Variants in XPNPEP1 observed in about 807,000 individuals in gnomAD.
XPNPEP1 encodes xaa-Pro aminopeptidase 1.
A neutral mutation model predicts 92.4 loss-of-function variants in XPNPEP1; 39 were observed. The ratio of observed to expected loss-of-function variants is 0.42; its 90% confidence interval spans 0.33 to 0.55. XPNPEP1 has a LOEUF of 0.55. Ranked by LOEUF, XPNPEP1 falls within the 20% of genes least tolerant of loss-of-function variation. XPNPEP1 has a pLI of 0.08. For missense variants in XPNPEP1, 654 were observed against 856.1 expected (o/e 0.76, Z 2.95); for synonymous variants, 307 against 299.4 (o/e 1.03, Z -0.26).
At chr10:109,868,492 T>C (rs986539325) in intron 20 of XPNPEP1, 122 bp downstream of exon 20, 1 of 945,246 alleles carries the variant, frequency 1.1e-6, no homozygotes, top group Non-Finnish European at 1.6e-6. Flanking sequence ...GACCTCTAAA[T>C]TTAAAAATTA....
At chr10:109,914,456 C>T (rs1370524368) in intron 2 of XPNPEP1, among the ~76,000 whole-genome samples, 1 of 151,762 alleles carries the variant, frequency 6.6e-6, no homozygotes, top group African/African-American at 2.4e-5. Context: ...ACGAAAAAAA[C>T]AAACAACAAA....
At chr10:109,880,772 AGAG>A (rs1848047488) in intron 11 of XPNPEP1, 67 bp downstream of exon 11, 1 of 1,472,274 alleles carries the variant, frequency 6.8e-7, no homozygotes, top group Non-Finnish European at 9.4e-7. Flanking sequence ...TCAATGCCAC[AGAG>A]GAGGTGAAGG....
chr10:109,916,312 C>A (rs1850187164), intron 1 of XPNPEP1, among the ~76,000 whole-genome samples: 1 of 151,556 alleles, frequency 6.6e-6, no homozygotes, highest in South Asian at 2.1e-4. Flanking sequence ...GGCCATGAGG[C>A]AGGAGTATGT....
intron 11 of XPNPEP1, 71 bp from the exon 12 acceptor site, chr10:109,880,309 T>C: frequency 2.0e-6 from 3 of 1,504,342 alleles, no homozygotes; most frequent in African/African-American, 1.4e-5. Context: ...AGCCTAGCCC[T>C]AATGCAATAC....
rs536997517 is a variant in XPNPEP1 at position 109,903,197 on chromosome 10, C to T, written c.246+4494G>A. 3.3e-5 allele frequency among the ~76,000 whole-genome samples: 5 copies of T among 152,308 alleles called. No homozygotes were observed. In the South Asian group the frequency reaches 8.3e-4, roughly 25 times the overall value. On this transcript the variant is annotated intron_variant, in intron 3 of 20. Coordinates refer to ENST00000502935, the MANE Select transcript of XPNPEP1 (RefSeq NM_020383.4). ...AACTGAAATTGAAATACAAACACTACAAAGCTTCCAACACACCCTTAACCA... is the reference window on the plus strand; with the variant it reads ...AACTGAAATTGAAATACAAACACTATAAAGCTTCCAACACACCCTTAACCA...
At chr10:109,882,393 G>A (rs956009578) in intron 10 of XPNPEP1, 39 bp downstream of exon 10, 2 of 1,593,654 alleles carry the variant, frequency 1.3e-6, no homozygotes, top group African/African-American at 2.7e-5. Flanking sequence ...CTGGGAAGGG[G>A]GTGGCAGAGT....
At chr10:109,878,927 GTAAAAATAATTTATATTTT>G (rs1165831333) in intron 12 of XPNPEP1, among the ~76,000 whole-genome samples, 5 of 151,814 alleles carry the variant, frequency 3.3e-5, no homozygotes, top group South Asian at 4.2e-4. Flanking sequence ...TAAGAGACAT[GTAAAAATAATTTATATTTT>G]TAAAAATAAT....
chr10:109,873,262 A>AC (rs1847585305), intron 16 of XPNPEP1, 105 bp downstream of exon 16: 3 of 1,334,044 alleles, frequency 2.2e-6, no homozygotes, highest in Non-Finnish European at 3.2e-6. Context: ...CAATTTTACT[A>AC]CCCCACATGT....
At chr10:109,912,251 C>T (rs974805306) in intron 2 of XPNPEP1, among the ~76,000 whole-genome samples, 2 of 152,206 alleles carry the variant, frequency 1.3e-5, no homozygotes, top group Non-Finnish European at 2.9e-5. Context: ...TCAGGCCGAT[C>T]ACATTCATGT....
chr10:109,919,425 G>A (rs376365762), intron 1 of XPNPEP1, among the ~76,000 whole-genome samples: 5 of 152,154 alleles, frequency 3.3e-5, no homozygotes, highest in African/African-American at 1.2e-4. Context: ...AAACCACAAT[G>A]TGATACCACT....
In XPNPEP1 at chr10:109,869,851, A is replaced by T. The variant is rs1214771699; in HGVS notation, c.1773+102T>A. 2.4e-6 allele frequency: 3 copies of T among 1,235,140 alleles called. No individual in the cohort carries two copies. In the African/African-American group the frequency reaches 4.6e-5, roughly 19 times the overall value. The allele number at this position is 1,235,140 out of a possible 1,614,324, so 76.5% of individuals were successfully genotyped here. ...TCTTCCCACACTAAGAAACAGGAAA[A>T]TTTTTAAGCTTTGCGCAGTGGCAGT... On this transcript the variant is annotated intron_variant, in intron 19 of 20. Coordinates refer to ENST00000502935, the MANE Select transcript of XPNPEP1 (RefSeq NM_020383.4).
chr10:109,880,386 G>C lies in XPNPEP1; in HGVS notation c.1132-148C>G, dbSNP rs1848024273. On this transcript the variant is annotated intron_variant, in intron 11 of 20. Coordinates refer to ENST00000502935, the MANE Select transcript of XPNPEP1 (RefSeq NM_020383.4). Reference sequence around the variant, plus strand: ...AGAGCTTTACATGTGGACATTTCTGGGAAGCTGGTGTGTGCAGCAACTCCC... The same window carrying C: ...AGAGCTTTACATGTGGACATTTCTGCGAAGCTGGTGTGTGCAGCAACTCCC... 1.8e-5 allele frequency: 14 copies of C among 794,462 alleles called. No individual in the cohort carries two copies. The South Asian group carries it at 2.1e-4, about 12-fold the overall frequency. The allele number at this position is 794,462 out of a possible 1,614,324, so 49.2% of individuals were successfully genotyped here.
rs1479670929 is a variant in XPNPEP1, at chr10:109,891,716, A to G, written c.415+6T>C. The G allele has an allele frequency of 6.4e-7, 1 of 1,566,022 alleles. No homozygotes were observed. Among genetic ancestry groups the G allele is most frequent in the Non-Finnish European group, 8.6e-7 (1 of 1,161,748 alleles). On this transcript the variant is annotated splice_donor_region_variant and intron_variant, in intron 5 of 20. Transcript: ENST00000502935. Reference sequence around the variant, plus strand: ...CTAAGTTTGGGCTAGCCATGCCTGTACCCACCCATCTTCATAAGTGTCCAG... The same window carrying G: ...CTAAGTTTGGGCTAGCCATGCCTGTGCCCACCCATCTTCATAAGTGTCCAG...
intron 1 of XPNPEP1, among the ~76,000 whole-genome samples, chr10:109,919,158 T>C (rs1428084047): frequency 6.6e-6 from 1 of 152,190 alleles, no homozygotes; most frequent in African/African-American, 2.4e-5. Context: ...CATCAGAATT[T>C]AAAATGTTTG....
chr10:109,906,395 G>T (rs1283369656), intron 3 of XPNPEP1, among the ~76,000 whole-genome samples: 2 of 152,110 alleles, frequency 1.3e-5, no homozygotes, highest in African/African-American at 4.8e-5. Flanking sequence ...CAACCAGTTG[G>T]CTGAAAAAGA....
In XPNPEP1 at chr10:109,886,303, T is replaced by C. The variant is rs759198539; in HGVS notation, c.691A>G (p.Lys231Glu). 1 of 1,614,240 alleles carries C rather than the reference T, an allele frequency of 6.2e-7. No individual in the cohort carries two copies. The highest frequency in any genetic ancestry group is 8.5e-7 in the Non-Finnish European group (1 of 1,180,040). ...CACATGACGTTCCTCTCAGCCATTT[T>C]CAACCGAAGGTCTGCAACCTTGTCC... ...WKDKVADLRL[K>E]MAERNVMWFV... The change falls in exon 8 of 21, where the codon AAA (lysine) becomes GAA (glutamate). Residue 231 changes from lysine (K) to glutamate (E), a missense_variant. Physicochemically the swap from Lys to Glu is moderately conservative, Grantham distance 56. Coordinates refer to ENST00000502935, the MANE Select transcript of XPNPEP1 (RefSeq NM_020383.4).
intron 18 of XPNPEP1, 67 bp downstream of exon 18, chr10:109,870,664 A>T: frequency 6.6e-7 from 1 of 1,519,284 alleles, no homozygotes; most frequent in Non-Finnish European, 8.8e-7. Context: ...TAAAAAATAC[A>T]AAACAACGAA....
chr10:109,882,636 G>T lies in XPNPEP1; in HGVS notation c.837C>A (p.Phe279Leu), dbSNP rs1401582877. Reference sequence around the variant, plus strand: ...GGGCGTCTATGCGGTCACCATCAATGAAGAGCCTGCAGATGGAGGAGAGGT... The same window carrying T: ...GGGCGTCTATGCGGTCACCATCAATTAAGAGCCTGCAGATGGAGGAGAGGT... ...AIIGLETIML[F>L]IDGDRIDAPS... The change falls in exon 10 of 21, where the codon TTC becomes TTA. Residue 279 changes from phenylalanine to leucine, a missense_variant. Physicochemically the swap from Phe to Leu is conservative, Grantham distance 22. Transcript: ENST00000502935. 2 of 1,614,018 alleles carry T rather than the reference G, an allele frequency of 1.2e-6. No homozygotes were observed. The highest frequency in any genetic ancestry group is 1.3e-5 in the African/African-American group (1 of 74,926).
chr10:109,898,507 C>T (rs1849103915), intron 3 of XPNPEP1, among the ~76,000 whole-genome samples: 5 of 152,116 alleles, frequency 3.3e-5, no homozygotes, highest in Admixed American at 2.0e-4. Context: ...TCCATCAGAC[C>T]AAGCTCAGAG....
Sources: gnomAD v4.1 joint callset for allele counts (sites outside exome capture counted in the v4.1 genomes callset) on GRCh38, gnomAD v4.1.1 for gene constraint, MANE v1.5 for transcripts, NCBI Gene and HGNC (gene_info 2026-07-23, HGNC 2026-07-21) for gene names.